The following CCDC91 variants were observed in gnomAD, a reference collection of about 807,000 sequenced individuals.
CCDC91 encodes the protein coiled-coil domain containing 91, also known as coiled-coil domain-containing protein 91.
Under a neutral mutation model 63.2 loss-of-function variants are expected in CCDC91, and 48 were observed. The ratio of observed to expected loss-of-function variants is 0.76; its 90% CI spans 0.60 to 0.97. The LOEUF (loss-of-function observed/expected upper bound fraction) is 0.97, where lower values mean the gene tolerates loss of function less well. Among genes scored for constraint, CCDC91 ranks in the 50% least tolerant of loss-of-function variants. The probability of loss-of-function intolerance (pLI) is 0.00; values close to 1 mark genes in which losing one functional copy is unlikely to be tolerated. For missense variants in CCDC91, 500 were observed against 494.6 expected (o/e 1.01, Z -0.10); for synonymous variants, 167 against 165.8 (o/e 1.01, Z -0.06).
intron 12 of CCDC91, among the ~76,000 whole-genome samples, chr12:28,494,380 C>T (rs1427905022): frequency 2.0e-5 from 3 of 151,712 alleles, no homozygotes; most frequent in Non-Finnish European, 4.4e-5. Flanking sequence ...AGAGTTCCAC[C>T]TAGCAATGTG....
chr12:28,257,120 A>G (rs1345823505), intron 1 of CCDC91, 82 bp from the exon 2 acceptor site: 3 of 806,112 alleles, frequency 3.7e-6, no homozygotes, highest in Non-Finnish European at 6.4e-6. Flanking sequence ...ACAAATAAAT[A>G]TGTATACATT....
chr12:28,314,530 A>G (rs1433825686), intron 6 of CCDC91, among the ~76,000 whole-genome samples: 1 of 152,028 alleles, frequency 6.6e-6, no homozygotes, highest in Non-Finnish European at 1.5e-5. Flanking sequence ...ATGTGTAGGT[A>G]ACCCAAAATA....
chr12:28,518,558 TGTC>T (rs1940221547), intron 12 of CCDC91, among the ~76,000 whole-genome samples: 1 of 152,144 alleles, frequency 6.6e-6, no homozygotes, highest in African/African-American at 2.4e-5. Flanking sequence ...ATTAGTCCTT[TGTC>T]AGATGTATAG....
chr12:28,328,757 T>C (rs1426286116), intron 6 of CCDC91, among the ~76,000 whole-genome samples: 1 of 152,218 alleles, frequency 6.6e-6, no homozygotes, highest in African/African-American at 2.4e-5. Context: ...AATTATTATT[T>C]TTTATGAATG....
intron 6 of CCDC91, among the ~76,000 whole-genome samples, chr12:28,338,411 T>C (rs563626411): frequency 1.0e-3 from 155 of 152,246 alleles, no homozygotes; most frequent in Non-Finnish European, 1.6e-3. Flanking sequence ...GTAGGTGTGC[T>C]TCACCCGTGA....
At chr12:28,392,531 A>G (rs1472409448) in intron 8 of CCDC91, among the ~76,000 whole-genome samples, 2 of 152,188 alleles carry the variant, frequency 1.3e-5, no homozygotes, top group Admixed American at 6.5e-5. Flanking sequence ...GAAATGACAC[A>G]TTCGATTTCA....
At chr12:28,407,968 T>TA (rs1947067685) in intron 8 of CCDC91, among the ~76,000 whole-genome samples, 1 of 149,418 alleles carries the variant, frequency 6.7e-6, no homozygotes, top group Non-Finnish European at 1.5e-5. Context: ...ATATATATTT[T>TA]TTTTATTTTT....
intron 6 of CCDC91, among the ~76,000 whole-genome samples, chr12:28,332,465 T>A (rs1941591708): frequency 2.0e-5 from 3 of 152,200 alleles, no homozygotes; most frequent in South Asian, 4.1e-4. Flanking sequence ...AGATTATTTT[T>A]AAAAAGATGA....
At chr12:28,389,242 G>A (rs1003341558) in intron 7 of CCDC91, among the ~76,000 whole-genome samples, 2 of 152,242 alleles carry the variant, frequency 1.3e-5, no homozygotes, top group Middle Eastern at 6.8e-3. Flanking sequence ...TATACCTACA[G>A]TGTGTGATGA....
At chr12:28,253,701 A>G (rs574735824) in intron 1 of CCDC91, among the ~76,000 whole-genome samples, 7 of 152,324 alleles carry the variant, frequency 4.6e-5, no homozygotes, top group African/African-American at 1.4e-4. Context: ...GCAGAAGCCA[A>G]TAATCAAAAG....
intron 8 of CCDC91, among the ~76,000 whole-genome samples, chr12:28,395,232 C>A (rs1946217068): frequency 6.6e-6 from 1 of 152,176 alleles, no homozygotes; most frequent in South Asian, 2.1e-4. Context: ...ACTTTTGACA[C>A]CAGATGTGTG....
At chr12:28,239,088 CCAGCCTGGGTGA>C (rs1455178510) in intron 1 of CCDC91, among the ~76,000 whole-genome samples, 1 of 151,114 alleles carries the variant, frequency 6.6e-6, no homozygotes, top group Non-Finnish European at 1.5e-5. Context: ...CCATTGCACT[CCAGCCTGGGTGA>C]CAGAGCGAGA....
intron 12 of CCDC91, among the ~76,000 whole-genome samples, chr12:28,516,498 T>C (rs549105677): frequency 4.6e-5 from 7 of 151,828 alleles, no homozygotes; most frequent in Non-Finnish European, 1.0e-4. Flanking sequence ...AGCTACTCGA[T>C]AGGCTGAGGT....
intron 12 of CCDC91, among the ~76,000 whole-genome samples, chr12:28,543,208 A>C (rs1438275421): frequency 6.6e-6 from 1 of 152,068 alleles, no homozygotes; most frequent in Non-Finnish European, 1.5e-5. Context: ...TTACATCTTA[A>C]TTACATCAGC....
At chr12:28,289,489 G>A (rs1949090789) in intron 3 of CCDC91, among the ~76,000 whole-genome samples, 1 of 151,908 alleles carries the variant, frequency 6.6e-6, no homozygotes, top group Non-Finnish European at 1.5e-5. Flanking sequence ...TTTGAATGGT[G>A]TTGAGCTTTT....
At chr12:28,191,630 TCC>T (rs60041419) in intron 1 of CCDC91, among the ~76,000 whole-genome samples, 11 of 150,758 alleles carry the variant, frequency 7.3e-5, no homozygotes, top group Admixed American at 5.3e-4. Flanking sequence ...AGGCAACCCT[TCC>T]CCCCCCCACA....
In CCDC91 at chr12:28,548,627, G is replaced by T. The variant is rs373435444; in HGVS notation, c.1216-436G>T. The stretch of plus-strand genomic sequence containing the variant: ...AAACTTTCTCTAATTTCAGCAAATT[G>T]TTTATCTCCTCCCTTATAATTTGTT... On this transcript the variant is annotated intron_variant, in intron 12 of 12. Coordinates refer to ENST00000536442, the MANE Select transcript of CCDC91 (RefSeq NM_018318.5). Among the ~76,000 whole-genome samples, 345 of 152,106 alleles carry T rather than the reference G, an allele frequency of 2.3e-3. 2 individuals carry two copies. Among genetic ancestry groups the T allele is most frequent in the African/African-American group, 7.9e-3 (327 of 41,526 alleles).
At chr12:28,282,734 T>C (rs1460815723) in intron 3 of CCDC91, among the ~76,000 whole-genome samples, 1 of 152,074 alleles carries the variant, frequency 6.6e-6, no homozygotes, top group Admixed American at 6.6e-5. Flanking sequence ...TTTATTTTTG[T>C]TTTTACTGCA....
chr12:28,361,477 T>C (rs1943880878), intron 6 of CCDC91, among the ~76,000 whole-genome samples: 1 of 152,158 alleles, frequency 6.6e-6, no homozygotes, highest in Non-Finnish European at 1.5e-5. Context: ...GTCTTTTTTC[T>C]CTTTTTGCTT....
Sources: gnomAD v4.1 joint callset for allele counts (sites outside exome capture counted in the v4.1 genomes callset) on GRCh38, gnomAD v4.1.1 for gene constraint, MANE v1.5 for transcripts, NCBI Gene and HGNC (gene_info 2026-07-23, HGNC 2026-07-21) for gene names.